Variants in PFKFB1 observed in about 807,000 individuals in gnomAD.
The protein encoded by PFKFB1 is 6-phosphofructo-2-kinase/fructose-2,6-bisphosphatase 1.
A neutral mutation model predicts 46.4 loss-of-function variants in PFKFB1; 34 were observed. The ratio of observed to expected loss-of-function variants is 0.73; its 90% CI spans 0.56 to 0.98. PFKFB1 has a LOEUF of 0.98. Among genes scored for constraint, PFKFB1 ranks in the 50% least tolerant of loss-of-function variants. The pLI, the probability that PFKFB1 is intolerant of heterozygous loss-of-function variation, is 0.00. For missense variants in PFKFB1, 393 were observed against 376.3 expected (o/e 1.04, Z -0.37); for synonymous variants, 119 against 133.8 (o/e 0.89, Z 0.76).
intron 13 of PFKFB1, among the ~76,000 whole-genome samples, 162 bp from the exon 14 acceptor site, chrX:54,933,624 G>A (rs777570239): frequency 1.8e-5 from 2 of 112,187 alleles, no homozygotes; most frequent in Non-Finnish European, 3.8e-5. Flanking sequence ...CCTTTTAGGC[G>A]GGAATTGCCC....
rs1422379523 is a variant in PFKFB1 at position 54,971,471 on chromosome X, G to T, written c.98-8089C>A. 6.3e-5 allele frequency among the ~76,000 whole-genome samples: 7 copies of T among 111,272 alleles called. No individual in the cohort carries two copies. In the East Asian group the frequency reaches 1.7e-3, roughly 27 times the overall value. On this transcript the variant is annotated intron_variant, in intron 1 of 13. Coordinates refer to ENST00000375006, the MANE Select transcript of PFKFB1 (RefSeq NM_002625.4). ...TCTTCTAGGGTTTTTATGGTTTTAG[G>T]TCTAATGTTTAAGTCTTTCATCCAT...
At chrX:54,983,008 G>A (rs1935033604) in intron 1 of PFKFB1, among the ~76,000 whole-genome samples, 2 of 111,193 alleles carry the variant, frequency 1.8e-5, no homozygotes, top group Admixed American at 1.9e-4. Flanking sequence ...CAATACACAA[G>A]CAGTTCAGGG....
At chrX:54,995,315 A>G, upstream of PFKFB1, among the ~76,000 whole-genome samples, 1 of 111,914 alleles carries the variant, frequency 8.9e-6, no homozygotes, top group Non-Finnish European at 1.9e-5. Context: ...CACAAGGGCA[A>G]TCTCTTGGGG....
chrX:54,989,735 T>C (rs763681552), intron 1 of PFKFB1, among the ~76,000 whole-genome samples: 5 of 112,053 alleles, frequency 4.5e-5, no homozygotes, highest in African/African-American at 6.5e-5. Context: ...CTGACCAGAA[T>C]GGAATTAAAA....
At chrX:54,976,240 T>G (rs1355402116) in intron 1 of PFKFB1, among the ~76,000 whole-genome samples, 1 of 111,493 alleles carries the variant, frequency 9.0e-6, no homozygotes, top group Non-Finnish European at 1.9e-5. Flanking sequence ...ACATTATATA[T>G]CTGGTATATC....
At chrX:54,974,958 T>G (rs1317511918) in intron 1 of PFKFB1, among the ~76,000 whole-genome samples, 2 of 110,740 alleles carry the variant, frequency 1.8e-5, no homozygotes, top group Non-Finnish European at 3.8e-5. Context: ...AAAAAATACA[T>G]CTTGGCATGG....
At chrX:54,992,227 G>A (rs950940878) in intron 1 of PFKFB1, among the ~76,000 whole-genome samples, 1 of 111,525 alleles carries the variant, frequency 9.0e-6, no homozygotes, top group African/African-American at 3.3e-5. Flanking sequence ...CTGATGTTGA[G>A]GATATGATGG....
chrX:54,956,350 A>G, intron 6 of PFKFB1, 76 bp from the exon 7 acceptor site: 1 of 1,111,109 alleles, frequency 9.0e-7, no homozygotes, highest in South Asian at 2.0e-5. Flanking sequence ...TCCCTTAGAG[A>G]CCATTGAGTA....
intron 1 of PFKFB1, among the ~76,000 whole-genome samples, chrX:54,988,170 A>C (rs1433437197): frequency 2.7e-5 from 3 of 111,814 alleles, no homozygotes; most frequent in Admixed American, 9.5e-5. Flanking sequence ...TCAATATATA[A>C]AAATCAATTA....
chrX:54,952,549 CTTTT>C lies in PFKFB1; in HGVS notation c.639-441_639-438del, dbSNP rs370373133. 3.0e-5 allele frequency among the ~76,000 whole-genome samples: 3 copies of C among 100,730 alleles called. No homozygotes were observed. In the Admixed American group the frequency reaches 3.2e-4, roughly 11 times the overall value. 87.5% of individuals were successfully genotyped at this position (100,730 alleles called of 115,157 possible). Reference sequence around the variant, plus strand: ...ATCCTGAGTTGAGCTCTTCACTCCTCTTTTTTTTTTTTTTAGCCTCTGCTACATA... The same window carrying C: ...ATCCTGAGTTGAGCTCTTCACTCCTCTTTTTTTTTTAGCCTCTGCTACATA... On this transcript the variant is annotated intron_variant, in intron 7 of 13. Transcript: ENST00000375006.
In PFKFB1 at chrX:54,933,308, G is replaced by A; in HGVS notation, c.*95C>T. The A allele has an allele frequency of 1.3e-6, 1 of 767,711 alleles. No homozygotes were observed. Among genetic ancestry groups the A allele is most frequent in the East Asian group, 3.2e-5 (1 of 31,036 alleles). 63.3% of individuals were successfully genotyped at this position (767,711 alleles called of 1,213,427 possible). ...TCTTCACTGGAAGTGGGGTGCCTCAGTGAGGCCAAGGCAGAGTAGGAGAAG... is the reference window on the plus strand; with the variant it reads ...TCTTCACTGGAAGTGGGGTGCCTCAATGAGGCCAAGGCAGAGTAGGAGAAG... On this transcript the variant is annotated 3_prime_UTR_variant, in exon 14 of 14. Transcript: ENST00000375006.
At chrX:54,959,593 G>A (rs1325356318) in intron 4 of PFKFB1, among the ~76,000 whole-genome samples, 1 of 111,979 alleles carries the variant, frequency 8.9e-6, no homozygotes, top group Non-Finnish European at 1.9e-5. Flanking sequence ...GCCCTGCCAG[G>A]TATACGTTGT....
chrX:54,959,016 C>A, intron 4 of PFKFB1, 91 bp from the exon 5 acceptor site: 1 of 558,368 alleles, frequency 1.8e-6, no homozygotes, highest in Non-Finnish European at 3.1e-6. Flanking sequence ...TGGAGGGCTT[C>A]CATATGGAGG....
rs751020074 is a variant in PFKFB1, at chrX:54,933,834, C to T, written c.1343G>A (p.Arg448Gln). Residue 448 changes from arginine to glutamine, a missense_variant, in exon 13 of 14, where the codon CGG becomes CAG. Physicochemically the swap from Arg to Gln is conservative, Grantham distance 43. Coordinates refer to ENST00000375006, the MANE Select transcript of PFKFB1 (RefSeq NM_002625.4). Reference sequence around the variant, plus strand: ...TCCCCCACCTACCTCAGGCTTCTCCCGGTGTGTGTTCACGGCCTCCACATT... The same window carrying T: ...TCCCCCACCTACCTCAGGCTTCTCCTGGTGTGTGTTCACGGCCTCCACATT... ...YLNVEAVNTH[R>Q]EKPENVDITR... is the part of the protein sequence containing the mutation. 72 of 1,207,166 alleles carry T rather than the reference C, an allele frequency of 6.0e-5. 1 individual carries two copies. In the Admixed American group the frequency reaches 9.8e-4, roughly 17 times the overall value.
intron 1 of PFKFB1, among the ~76,000 whole-genome samples, chrX:54,963,782 AAC>A (rs1934391852): frequency 8.9e-6 from 1 of 112,781 alleles, no homozygotes; most frequent in Non-Finnish European, 1.9e-5. Context: ...TTCCTCCAGG[AAC>A]TGCCCCAGGT....
intron 9 of PFKFB1, among the ~76,000 whole-genome samples, chrX:54,946,681 G>A (rs1270440595): frequency 2.7e-5 from 3 of 112,029 alleles, no homozygotes; most frequent in South Asian, 3.7e-4. Flanking sequence ...AGTACTAGGA[G>A]CCTGTCGCCT....
chrX:54,960,949 G>T (rs763335423), intron 2 of PFKFB1, 32 bp from the exon 3 acceptor site: 1 of 1,023,635 alleles, frequency 9.8e-7, no homozygotes, highest in South Asian at 1.9e-5. Flanking sequence ...GAAGAGGTTG[G>T]GAAGATCCCA....
intron 1 of PFKFB1, among the ~76,000 whole-genome samples, chrX:54,982,431 C>T (rs748570030): frequency 4.1e-4 from 46 of 111,576 alleles, no homozygotes; most frequent in Non-Finnish European, 7.0e-4. Context: ...ACAGTCAGTC[C>T]TCCATATCTG....
chrX:54,940,236 G>A (rs559054608), intron 10 of PFKFB1, among the ~76,000 whole-genome samples: 2 of 111,492 alleles, frequency 1.8e-5, no homozygotes, highest in Non-Finnish European at 3.8e-5. Context: ...TTGATGGGAC[G>A]TATCTCAAAA....
Sources: allele counts gnomAD v4.1 joint callset (sites outside exome capture counted in the v4.1 genomes callset), GRCh38; gene constraint gnomAD v4.1.1; transcripts MANE v1.5; gene names NCBI Gene and HGNC (gene_info 2026-07-23, HGNC 2026-07-21).